ZNF782: variants seen among roughly 807,000 people sequenced by gnomAD.
ZNF782 encodes the protein zinc finger protein 782.
Under a neutral mutation model 13.0 loss-of-function variants are expected in ZNF782, and 12 were observed. The ratio of observed to expected loss-of-function variants is 0.92; its 90% CI spans 0.59 to 1.50. ZNF782 has a LOEUF of 1.50. Ranked by LOEUF, ZNF782 falls within the 40% of genes most tolerant of loss-of-function variation. ZNF782 has a pLI of 0.00. For missense variants in ZNF782, 770 were observed against 822.9 expected, an observed-to-expected ratio of 0.94 and a Z score of 0.79; for synonymous variants, 284 against 283.0, an observed-to-expected ratio of 1.00 and a Z score of -0.04.
the ZNF782 span, among the ~76,000 whole-genome samples, chr9:96,933,184 T>C: frequency 6.7e-6 from 1 of 149,802 alleles, no homozygotes; most frequent in Non-Finnish European, 1.5e-5. Flanking sequence ...TTCACCATGT[T>C]AGCCAGGATG....
the ZNF782 span, among the ~76,000 whole-genome samples, chr9:96,917,901 T>C: frequency 6.2e-3 from 916 of 148,820 alleles, 31 homozygotes; most frequent in East Asian, 0.087. Flanking sequence ...TGTGTGTGTG[T>C]GTGTGTGTGT....
the ZNF782 span, among the ~76,000 whole-genome samples, chr9:96,897,431 G>A: frequency 2.0e-5 from 3 of 152,220 alleles, no homozygotes; most frequent in Non-Finnish European, 4.4e-5. Context: ...TGGGTGCTCA[G>A]ATGGAGAATC....
chr9:96,866,172 A>T (rs913312106), intron 1 of ZNF782, among the ~76,000 whole-genome samples: 5 of 152,228 alleles, frequency 3.3e-5, no homozygotes, highest in African/African-American at 1.2e-4. Flanking sequence ...AAATGTCTCC[A>T]GGGCATGTCA....
At chr9:96,916,037 G>A in the ZNF782 span, among the ~76,000 whole-genome samples, 1 of 151,694 alleles carries the variant, frequency 6.6e-6, no homozygotes, top group African/African-American at 2.4e-5. Flanking sequence ...CAGACTTAGG[G>A]AAAGTGAATA....
At chr9:96,873,872 G>T (rs1851858890) in intron 1 of ZNF782, among the ~76,000 whole-genome samples, 1 of 152,154 alleles carries the variant, frequency 6.6e-6, no homozygotes, top group African/African-American at 2.4e-5. Context: ...AAATGTTTGG[G>T]GTATGGAAAC....
the ZNF782 span, among the ~76,000 whole-genome samples, chr9:96,923,837 CTTT>C: frequency 3.5e-5 from 5 of 144,350 alleles, no homozygotes; most frequent in Non-Finnish European, 5.9e-5. Flanking sequence ...GAATGACCTT[CTTT>C]ACTTTTCCTT....
At chr9:96,869,611 T>C (rs1034063281) in intron 1 of ZNF782, among the ~76,000 whole-genome samples, 5 of 152,202 alleles carry the variant, frequency 3.3e-5, no homozygotes, top group African/African-American at 1.2e-4. Flanking sequence ...ATAACTTTTA[T>C]GGGGCAAAGT....
chr9:96,872,439 G>A (rs1206406463), intron 1 of ZNF782, among the ~76,000 whole-genome samples: 1 of 151,892 alleles, frequency 6.6e-6, no homozygotes, highest in African/African-American at 2.4e-5. Flanking sequence ...GCTGAGGCAG[G>A]AGAATTGCTT....
chr9:96,897,375 G>A, the ZNF782 span, among the ~76,000 whole-genome samples: 1 of 152,124 alleles, frequency 6.6e-6, no homozygotes, highest in African/African-American at 2.4e-5. Flanking sequence ...TGGAGACGCT[G>A]GTCTGACCCT....
chr9:96,819,102 A>G lies in ZNF782; in HGVS notation c.921T>C (p.His307=). The G allele has an allele frequency of 1.2e-6, 2 of 1,614,100 alleles. No individual in the cohort carries two copies. The highest frequency in any genetic ancestry group is 2.2e-5 in the South Asian group (2 of 91,082). The change falls in exon 6 of 6, where the codon CAT becomes CAC. Residue 307 remains histidine, a synonymous_variant. Transcript: ENST00000481138. ...CATATTCAAAGGGTTTCACCCCTAT[A>G]TGAACTCTATGATGTTCTCTAATGT... ...KSHIREHHRV[H]IGVKPFEYGK...
chr9:96,858,604 T>C (rs1851670908), upstream of ZNF782, among the ~76,000 whole-genome samples: 1 of 152,156 alleles, frequency 6.6e-6, no homozygotes, highest in Non-Finnish European at 1.5e-5. The surrounding 1 kb of genome is among the most constrained non-coding windows in gnomAD (Gnocchi z 4.4). Context: ...GAGTGCCCAC[T>C]GGACAGTGAG....
upstream of ZNF782, among the ~76,000 whole-genome samples, chr9:96,879,747 T>C (rs917713849): frequency 6.6e-6 from 1 of 152,256 alleles, no homozygotes; most frequent in East Asian, 1.9e-4. Context: ...TTGGAGCAAT[T>C]GTAATAAGCT....
chr9:96,896,673 C>A, the ZNF782 span, among the ~76,000 whole-genome samples: 7 of 152,288 alleles, frequency 4.6e-5, no homozygotes, highest in East Asian at 9.7e-4. Context: ...ACTCTCTGAC[C>A]TATTTGCCAA....
the ZNF782 span, among the ~76,000 whole-genome samples, chr9:96,916,331 A>T: frequency 6.6e-6 from 1 of 151,944 alleles, no homozygotes; most frequent in East Asian, 1.9e-4. Flanking sequence ...CTCCACAAAA[A>T]GTACAAAAAT....
upstream of ZNF782, among the ~76,000 whole-genome samples, chr9:96,877,333 G>A (rs558820958): frequency 5.3e-5 from 8 of 152,348 alleles, no homozygotes; most frequent in African/African-American, 9.6e-5. Flanking sequence ...ACCCCCAGAT[G>A]CCGCTGCGCA....
chr9:96,931,882 C>G, the ZNF782 span: 3 of 1,612,306 alleles, frequency 1.9e-6, no homozygotes, highest in African/African-American at 4.0e-5. Context: ...TCTCTGCCTT[C>G]CCCAGCACCC....
intron 4 of ZNF782, among the ~76,000 whole-genome samples, chr9:96,838,737 CAG>C (rs1262337359): frequency 1.4e-5 from 2 of 140,476 alleles, no homozygotes; most frequent in Non-Finnish European, 3.0e-5. Context: ...TTTTTTGAGA[CAG>C]AGTCTTGCTC....
intron 1 of ZNF782, among the ~76,000 whole-genome samples, chr9:96,871,194 T>C (rs1851821918): frequency 6.6e-6 from 1 of 152,202 alleles, no homozygotes. Flanking sequence ...AGCTTTAACA[T>C]AGTATGCTTG....
At chr9:96,912,922 T>C in the ZNF782 span, among the ~76,000 whole-genome samples, 2 of 152,006 alleles carry the variant, frequency 1.3e-5, no homozygotes, top group African/African-American at 2.4e-5. Flanking sequence ...TAAACAGGAA[T>C]TTTATTTTGC....
Sources: allele counts gnomAD v4.1 joint callset (sites outside exome capture counted in the v4.1 genomes callset), GRCh38; gene constraint gnomAD v4.1.1; non-coding constraint Gnocchi (gnomAD v3.1); transcripts MANE v1.5; gene names NCBI Gene and HGNC (gene_info 2026-07-23, HGNC 2026-07-21).